TESC: variants seen among roughly 807,000 people sequenced by gnomAD.
The protein encoded by TESC is calcineurin B homologous protein 3.
Under a neutral mutation model 31.0 loss-of-function variants are expected in TESC, and 19 were observed. The ratio of observed to expected loss-of-function variants is 0.61; its 90% CI spans 0.43 to 0.90. The LOEUF (loss-of-function observed/expected upper bound fraction) is 0.90. TESC is among the 40% of genes least tolerant of loss of function. The probability of loss-of-function intolerance (pLI) is 0.00; values close to 1 mark genes in which losing one functional copy is unlikely to be tolerated. For synonymous variants in TESC, 109 were observed against 114.8 expected, an observed-to-expected ratio of 0.95 and a Z score of 0.32; for missense variants, 248 against 303.8, an observed-to-expected ratio of 0.82 and a Z score of 1.36.
At chr12:117,074,344 G>C (rs1344988632) in intron 2 of TESC, among the ~76,000 whole-genome samples, 1 of 152,110 alleles carries the variant, frequency 6.6e-6, no homozygotes, top group Non-Finnish European at 1.5e-5. Flanking sequence ...CTCCAGCCTG[G>C]GCAACGGAGT....
At chr12:117,043,223 A>G (rs1472059566) in intron 6 of TESC, among the ~76,000 whole-genome samples, 1 of 152,048 alleles carries the variant, frequency 6.6e-6, no homozygotes, top group African/African-American at 2.4e-5. Context: ...ATCAAAAATA[A>G]AAGACATGCA....
In TESC at chr12:117,099,386, A is replaced by C. The variant is rs528392189; in HGVS notation, c.-104T>G. 558 of 1,174,418 alleles carry C rather than the reference A, an allele frequency of 4.8e-4. 2 individuals are homozygous for C. The African/African-American group carries it at 8.4e-3, about 18-fold the overall frequency. The allele number at this position is 1,174,418 out of a possible 1,614,324, so 72.7% of individuals were successfully genotyped here. A position where few individuals can be genotyped will look rare whatever the true frequency, so the allele number is the denominator to read the frequency against. On this transcript the variant is annotated 5_prime_UTR_variant, in exon 1 of 8. Transcript: ENST00000335209. Reference sequence around the variant, plus strand: ...GCCTCGGGTCCGGCCTCGGGTCGGGACGCCGGCGAAGGCTCGGAGCCGCGG... The same window carrying C: ...GCCTCGGGTCCGGCCTCGGGTCGGGCCGCCGGCGAAGGCTCGGAGCCGCGG...
intron 1 of TESC, among the ~76,000 whole-genome samples, chr12:117,087,324 C>T (rs544789566): frequency 1.3e-5 from 2 of 152,308 alleles, no homozygotes; most frequent in Admixed American, 1.3e-4. Context: ...TACCCTTTTT[C>T]ATGCCAACTT....
At chr12:117,090,105 T>G (rs556760735) in intron 1 of TESC, among the ~76,000 whole-genome samples, 1 of 151,416 alleles carries the variant, frequency 6.6e-6, no homozygotes, top group Admixed American at 6.6e-5. Flanking sequence ...CATTCATGCA[T>G]GCCTGCAAAA....
chr12:117,095,365 G>A (rs1009996120), intron 1 of TESC, among the ~76,000 whole-genome samples: 2 of 152,170 alleles, frequency 1.3e-5, no homozygotes, highest in Non-Finnish European at 2.9e-5. Flanking sequence ...GAGCCACCAC[G>A]CCCGGCCTAG....
chr12:117,095,413 CG>C (rs1378902484), intron 1 of TESC, among the ~76,000 whole-genome samples: 2 of 152,118 alleles, frequency 1.3e-5, no homozygotes, highest in African/African-American at 4.8e-5. Flanking sequence ...GGCTCCCGTA[CG>C]TAAACACCTG....
In TESC at chr12:117,075,351, G is replaced by C; in HGVS notation, c.59-11C>G. 2 of 1,606,774 alleles carry C rather than the reference G, an allele frequency of 1.2e-6. No individual in the cohort carries two copies. Among genetic ancestry groups the C allele is most frequent in the Non-Finnish European group, 1.7e-6 (2 of 1,179,338 alleles). ...TCTGATCCGATGAGACTGAGAAGTGGGGGAAAGAGAGAAAAACAAGACAGA... is the reference window on the plus strand; with the variant it reads ...TCTGATCCGATGAGACTGAGAAGTGCGGGAAAGAGAGAAAAACAAGACAGA... On this transcript the variant is annotated splice_polypyrimidine_tract_variant and intron_variant, in intron 1 of 7. Coordinates refer to ENST00000335209, the MANE Select transcript of TESC (RefSeq NM_017899.4).
chr12:117,049,217 G>C, intron 3 of TESC, 59 bp from the exon 4 acceptor site: 1 of 1,608,088 alleles, frequency 6.2e-7, no homozygotes, highest in Non-Finnish European at 8.5e-7. Flanking sequence ...TTGTCCTCTT[G>C]CTACCATTAG....
intron 2 of TESC, among the ~76,000 whole-genome samples, chr12:117,064,050 G>C (rs780363233): frequency 2.0e-5 from 3 of 152,084 alleles, no homozygotes; most frequent in Non-Finnish European, 4.4e-5. Context: ...TCAGCCTCCT[G>C]AGCAGCTGGG....
intron 3 of TESC, among the ~76,000 whole-genome samples, chr12:117,056,397 G>C (rs1172687314): frequency 7.2e-6 from 1 of 138,066 alleles, no homozygotes; most frequent in African/African-American, 3.1e-5. Flanking sequence ...TTTAGAAACA[G>C]GGTCTCACTC....
chr12:117,075,899 A>ATATATATATATGTGTGTGTG (rs1955059004), intron 1 of TESC, among the ~76,000 whole-genome samples: 1 of 73,218 alleles, frequency 1.4e-5, no homozygotes, highest in African/African-American at 8.2e-5. Context: ...ATATATATAT[A>ATATATATATATGTGTGTGTG]TATATATATA....
Position 117,038,959 on chromosome 12 carries a change from T to G in TESC, c.*174A>C. 2 of 530,188 alleles carry G rather than the reference T, an allele frequency of 3.8e-6. No individual in the cohort carries two copies. The highest frequency in any genetic ancestry group is 6.5e-6 in the Non-Finnish European group (2 of 308,996). 32.8% of individuals were successfully genotyped at this position (530,188 alleles called of 1,614,324 possible). ...ACCTTTTTTTTTTTTTTATTGGAGA[T>G]AAAAACAGCGAAGTCCCACATACCA... On this transcript the variant is annotated 3_prime_UTR_variant, in exon 8 of 8. Coordinates refer to ENST00000335209, the MANE Select transcript of TESC (RefSeq NM_017899.4).
rs181588655 is a variant in TESC, at chr12:117,071,447, G to A, written c.128+3824C>T. Among the ~76,000 whole-genome samples the A allele has an allele frequency of 3.9e-4, 60 of 152,310 alleles. 1 individual carries two copies. The highest frequency in any genetic ancestry group is 7.2e-4 in the Admixed American group (11 of 15,298). ...CCAGAAGGAGGCTGTGGGCCTTCAC[G>A]GGGCAGGAGACGTGTCTTGGAAATG... On this transcript the variant is annotated intron_variant, in intron 2 of 7. Coordinates refer to ENST00000335209, the MANE Select transcript of TESC (RefSeq NM_017899.4).
chr12:117,098,014 C>T (rs916780073), intron 1 of TESC, among the ~76,000 whole-genome samples: 1 of 152,058 alleles, frequency 6.6e-6, no homozygotes, highest in Non-Finnish European at 1.5e-5. Context: ...CGTATAAGTG[C>T]GTGCATACAC....
chr12:117,058,184 C>T (rs569232671), intron 2 of TESC, among the ~76,000 whole-genome samples: 1 of 152,252 alleles, frequency 6.6e-6, no homozygotes, highest in East Asian at 1.9e-4. Context: ...CTCACCATTG[C>T]ACTACAGCCT....
At chr12:117,051,498 C>T (rs1383358564) in intron 3 of TESC, among the ~76,000 whole-genome samples, 1 of 152,108 alleles carries the variant, frequency 6.6e-6, no homozygotes, top group Non-Finnish European at 1.5e-5. Context: ...ATGAAGCTCC[C>T]CACCGCTCCT....
chr12:117,096,882 C>A (rs1955403709), intron 1 of TESC, among the ~76,000 whole-genome samples: 1 of 152,164 alleles, frequency 6.6e-6, no homozygotes, highest in South Asian at 2.1e-4. Flanking sequence ...CCCGAGATGC[C>A]CTTTCCACTG....
At chr12:117,048,360 G>A (rs551954494) in intron 4 of TESC, among the ~76,000 whole-genome samples, 3 of 152,280 alleles carry the variant, frequency 2.0e-5, no homozygotes, top group Admixed American at 6.5e-5. Context: ...TAAATATAGC[G>A]AAGTCCCATG....
chr12:117,049,326 G>A (rs1468805708), intron 3 of TESC, among the ~76,000 whole-genome samples, 168 bp from the exon 4 acceptor site: 1 of 152,238 alleles, frequency 6.6e-6, no homozygotes, highest in African/African-American at 2.4e-5. Flanking sequence ...CGGGGCTGCA[G>A]GCTCCGGAAG....
Sources: gnomAD v4.1 joint callset for allele counts (sites outside exome capture counted in the v4.1 genomes callset) on GRCh38, gnomAD v4.1.1 for gene constraint, MANE v1.5 for transcripts, NCBI Gene and HGNC (gene_info 2026-07-23, HGNC 2026-07-21) for gene names.